The following PARD3 variants were observed in gnomAD, a reference collection of about 807,000 sequenced individuals.
The protein encoded by PARD3 is partitioning defective 3 homolog.
In PARD3, 75 loss-of-function variants were observed where a neutral mutation model predicts 155.4. That is an observed-to-expected ratio of 0.48 (90% confidence interval 0.40 to 0.58). The LOEUF is 0.58. Among genes scored for constraint, PARD3 ranks in the 20% least tolerant of loss-of-function variants. The probability of loss-of-function intolerance (pLI) is 0.00; values close to 1 mark genes in which losing one functional copy is unlikely to be tolerated. For missense variants in PARD3, 1,642 were observed against 1,721.7 expected (o/e 0.95, Z 0.82); for synonymous variants, 576 against 610.5 (o/e 0.94, Z 0.83).
At chr10:34,339,873 G>T (rs185723064) in intron 16 of PARD3, among the ~76,000 whole-genome samples, 1 of 152,294 alleles carries the variant, frequency 6.6e-6, no homozygotes, top group East Asian at 1.9e-4. Flanking sequence ...TATTTAACAA[G>T]TTAGATGGCA....
chr10:34,470,075 A>G lies in PARD3; in HGVS notation c.582+10T>C. On this transcript the variant is annotated intron_variant, in intron 4 of 24. Coordinates refer to ENST00000374788, the MANE Select transcript of PARD3 (RefSeq NM_001184785.2). ...GCAAGAGACAGCAGCAAACAAGCAG[A>G]GGTGGTTACCTTCCTGTCGCAGGTT... 1 of 1,584,728 alleles carries G rather than the reference A, an allele frequency of 6.3e-7. No individual in the cohort carries two copies. Among genetic ancestry groups the G allele is most frequent in the East Asian group, 2.3e-5 (1 of 43,610 alleles).
chr10:34,806,715 C>T (rs1282691235), intron 1 of PARD3, among the ~76,000 whole-genome samples: 2 of 152,098 alleles, frequency 1.3e-5, no homozygotes, highest in East Asian at 3.9e-4. Context: ...TTGGGGGGGT[C>T]GGGGTGAGGC....
chr10:34,564,309 T>C (rs2085747827), intron 2 of PARD3, among the ~76,000 whole-genome samples: 1 of 152,244 alleles, frequency 6.6e-6, no homozygotes, highest in South Asian at 2.1e-4. Context: ...AAGTATATGA[T>C]GCAACAAGAC....
At chr10:34,423,842 G>A (rs2075446315) in intron 5 of PARD3, among the ~76,000 whole-genome samples, 1 of 152,010 alleles carries the variant, frequency 6.6e-6, no homozygotes, top group African/African-American at 2.4e-5. Context: ...AAATCATAAT[G>A]GTGTTTTTCA....
chr10:34,154,762 T>G (rs750001573), intron 22 of PARD3, among the ~76,000 whole-genome samples: 2 of 152,180 alleles, frequency 1.3e-5, no homozygotes, highest in Admixed American at 6.5e-5. Context: ...ATTCTGCCAA[T>G]GTAGTAACTA....
chr10:34,419,916 T>G (rs1846029450), intron 5 of PARD3, among the ~76,000 whole-genome samples: 1 of 152,210 alleles, frequency 6.6e-6, no homozygotes, highest in Admixed American at 6.5e-5. Context: ...TTTCAATACC[T>G]AGGAATTTAT....
At chr10:34,163,130 G>A (rs1460489586) in intron 22 of PARD3, among the ~76,000 whole-genome samples, 12 of 152,106 alleles carry the variant, frequency 7.9e-5, no homozygotes, top group Admixed American at 5.9e-4. Flanking sequence ...AGACAATGGC[G>A]TTTCAGTCCA....
intron 14 of PARD3, among the ~76,000 whole-genome samples, chr10:34,354,767 G>A (rs1838599972): frequency 6.6e-6 from 1 of 152,090 alleles, no homozygotes; most frequent in East Asian, 1.9e-4. Flanking sequence ...GGGGCTGTAG[G>A]GCACCGATGA....
intron 2 of PARD3, among the ~76,000 whole-genome samples, chr10:34,579,481 GA>G (rs557082740): frequency 1.3e-5 from 2 of 149,748 alleles, no homozygotes; most frequent in Non-Finnish European, 3.0e-5. Context: ...TAAAATCAAT[GA>G]AAAAAAATAC....
intron 5 of PARD3, among the ~76,000 whole-genome samples, chr10:34,436,556 T>G (rs946243104): frequency 6.6e-6 from 1 of 152,214 alleles, no homozygotes; most frequent in Non-Finnish European, 1.5e-5. Context: ...AAGTTACAAA[T>G]GTATGTAATA....
At chr10:34,179,992 A>G (rs1376778642) in intron 22 of PARD3, among the ~76,000 whole-genome samples, 2 of 152,156 alleles carry the variant, frequency 1.3e-5, no homozygotes, top group Non-Finnish European at 2.9e-5. Context: ...GTTTTGATAC[A>G]GGCATGCAAT....
chr10:34,744,527 G>A (rs897175669), intron 1 of PARD3, among the ~76,000 whole-genome samples: 2 of 152,202 alleles, frequency 1.3e-5, no homozygotes, highest in Admixed American at 6.5e-5. Flanking sequence ...GCAACTAAGT[G>A]AGCATAAACA....
intron 2 of PARD3, among the ~76,000 whole-genome samples, chr10:34,589,319 T>C (rs868329448): frequency 1.3e-5 from 2 of 152,194 alleles, no homozygotes; most frequent in Non-Finnish European, 2.9e-5. Context: ...AAATGTCACG[T>C]TGAAGTCCTA....
chr10:34,329,577 G>C (rs1348985048), intron 19 of PARD3, among the ~76,000 whole-genome samples: 1 of 152,150 alleles, frequency 6.6e-6, no homozygotes, highest in Non-Finnish European at 1.5e-5. Context: ...CTGCAAGAAT[G>C]GGCTGCATAT....
chr10:34,757,827 C>A (rs766946226), intron 1 of PARD3, among the ~76,000 whole-genome samples: 3 of 152,220 alleles, frequency 2.0e-5, no homozygotes, highest in Non-Finnish European at 4.4e-5. Flanking sequence ...CATTTTTCTG[C>A]CGCTGGTCAT....
intron 3 of PARD3, among the ~76,000 whole-genome samples, chr10:34,473,919 T>C (rs1295316612): frequency 6.6e-6 from 1 of 152,236 alleles, no homozygotes; most frequent in Non-Finnish European, 1.5e-5. Flanking sequence ...GTCACAGAGC[T>C]GCGACACTGT....
At chr10:34,567,444 T>G (rs955594133) in intron 2 of PARD3, among the ~76,000 whole-genome samples, 21 of 152,342 alleles carry the variant, frequency 1.4e-4, no homozygotes, top group African/African-American at 5.1e-4. Context: ...ACCAATATTA[T>G]AAACATTTAA....
At chr10:34,518,571 T>C (rs1165522994) in intron 2 of PARD3, among the ~76,000 whole-genome samples, 1 of 152,206 alleles carries the variant, frequency 6.6e-6, no homozygotes, top group Non-Finnish European at 1.5e-5. Context: ...AAAGAAATCA[T>C]ACTGGCATTG....
intron 3 of PARD3, among the ~76,000 whole-genome samples, chr10:34,512,776 A>G (rs992782247): frequency 2.0e-5 from 3 of 152,158 alleles, no homozygotes; most frequent in Admixed American, 6.5e-5. Flanking sequence ...CCTTTAACTT[A>G]TATCTGTACA....
Sources: allele counts gnomAD v4.1 joint callset (sites outside exome capture counted in the v4.1 genomes callset), GRCh38; gene constraint gnomAD v4.1.1; transcripts MANE v1.5; gene names NCBI Gene and HGNC (gene_info 2026-07-23, HGNC 2026-07-21).